UTRN: variants seen among roughly 807,000 people sequenced by gnomAD.
The protein encoded by UTRN is dystrophin-related protein 1.
A neutral mutation model predicts 463.9 loss-of-function variants in UTRN; 283 were observed. The ratio of observed to expected loss-of-function variants is 0.61; its 90% confidence interval spans 0.55 to 0.67. The LOEUF is 0.67. Ranked by LOEUF, UTRN falls within the 30% of genes least tolerant of loss-of-function variation. The pLI, the probability that UTRN is intolerant of heterozygous loss-of-function variation, is 0.00. For synonymous variants in UTRN, 1,442 were observed against 1,431.5 expected (o/e 1.01, Z -0.17); for missense variants, 3,922 against 4,084.3 (o/e 0.96, Z 1.08).
At chr6:144,499,056 C>T (rs1474707238) in intron 33 of UTRN, among the ~76,000 whole-genome samples, 2 of 152,074 alleles carry the variant, frequency 1.3e-5, no homozygotes, top group Admixed American at 6.5e-5. Flanking sequence ...CCCAGGATTG[C>T]CTGGCACTTA....
intron 14 of UTRN, among the ~76,000 whole-genome samples, chr6:144,445,063 G>A (rs1787524296): frequency 6.6e-6 from 1 of 152,110 alleles, no homozygotes; most frequent in Non-Finnish European, 1.5e-5. Flanking sequence ...AAAATAAGTA[G>A]ATACTGGCCG....
chr6:144,730,003 C>A (rs1788344939), intron 53 of UTRN, among the ~76,000 whole-genome samples: 1 of 152,066 alleles, frequency 6.6e-6, no homozygotes, highest in African/African-American at 2.4e-5. Flanking sequence ...GTCAGTCTTA[C>A]AAGAAAAAAG....
At chr6:144,539,542 T>G in intron 45 of UTRN, 99 bp downstream of exon 45, 1 of 1,293,070 alleles carries the variant, frequency 7.7e-7, no homozygotes. Flanking sequence ...TATGTCCAAA[T>G]GGGGCAAATT....
chr6:144,770,732 A>G (rs970717000), intron 58 of UTRN, among the ~76,000 whole-genome samples: 2 of 152,226 alleles, frequency 1.3e-5, no homozygotes, highest in Non-Finnish European at 2.9e-5. Flanking sequence ...AAAGTATAAA[A>G]CTTGCTTTTA....
At chr6:144,618,371 A>T (rs1806361280) in intron 51 of UTRN, among the ~76,000 whole-genome samples, 1 of 152,142 alleles carries the variant, frequency 6.6e-6, no homozygotes, top group Non-Finnish European at 1.5e-5. Flanking sequence ...CCTTGAGTGT[A>T]TTCCTTAATA....
At chr6:144,374,945 C>CA (rs757547113) in intron 2 of UTRN, among the ~76,000 whole-genome samples, 2,435 of 48,662 alleles carry the variant, frequency 0.05, 58 homozygotes, top group Admixed American at 0.1. Context: ...GACTCCATCT[C>CA]AAAAAAAAAA....
intron 54 of UTRN, among the ~76,000 whole-genome samples, chr6:144,737,796 A>G (rs571318313): frequency 6.6e-6 from 1 of 151,360 alleles, no homozygotes; most frequent in African/African-American, 2.4e-5. Flanking sequence ...TATCATGTCA[A>G]TGTATACTTT....
intron 2 of UTRN, among the ~76,000 whole-genome samples, chr6:144,373,796 A>G (rs929694505): frequency 2.0e-5 from 3 of 152,194 alleles, no homozygotes; most frequent in African/African-American, 7.2e-5. Flanking sequence ...CATTGTTACT[A>G]CAAAATCAAT....
intron 2 of UTRN, among the ~76,000 whole-genome samples, chr6:144,342,770 A>T (rs147092569): frequency 6.6e-6 from 1 of 152,326 alleles, no homozygotes; most frequent in Non-Finnish European, 1.5e-5. Context: ...CAATACTAAA[A>T]ATCATTAAAT....
intron 23 of UTRN, among the ~76,000 whole-genome samples, chr6:144,464,774 A>G (rs907534872): frequency 7.9e-5 from 12 of 152,196 alleles, no homozygotes; most frequent in African/African-American, 2.9e-4. Context: ...TGCTAGGATT[A>G]CAGACATGAG....
intron 2 of UTRN, among the ~76,000 whole-genome samples, chr6:144,350,849 T>C (rs1251811108): frequency 1.3e-5 from 2 of 152,218 alleles, no homozygotes; most frequent in African/African-American, 4.8e-5. Flanking sequence ...ATAGATATTA[T>C]TTTCAGATAT....
chr6:144,746,310 C>G (rs1790741708), intron 54 of UTRN, among the ~76,000 whole-genome samples: 1 of 151,814 alleles, frequency 6.6e-6, no homozygotes, highest in African/African-American at 2.4e-5. Flanking sequence ...GCCTAGATAT[C>G]TTAAAGGTAT....
chr6:144,839,323 C>G (rs1781362936), intron 72 of UTRN, 39 bp downstream of exon 72: 2 of 1,513,182 alleles, frequency 1.3e-6, no homozygotes, highest in African/African-American at 1.4e-5. Flanking sequence ...GCTGAGTCTG[C>G]TTTGTGCTTT....
intron 54 of UTRN, among the ~76,000 whole-genome samples, chr6:144,732,279 CACACATATATATATAT>C (rs1350339903): frequency 1.9e-5 from 2 of 103,214 alleles, no homozygotes; most frequent in African/African-American, 4.1e-5. Context: ...TATATATATA[CACACATATATATATAT>C]ACACATATAT....
intron 63 of UTRN, among the ~76,000 whole-genome samples, chr6:144,794,689 T>C (rs1355008983): frequency 6.6e-6 from 1 of 152,186 alleles, no homozygotes; most frequent in Non-Finnish European, 1.5e-5. Context: ...TGTAACAAAA[T>C]ACCATAAACT....
chr6:144,520,843 A>C (rs183392788), intron 39 of UTRN, among the ~76,000 whole-genome samples: 1 of 152,342 alleles, frequency 6.6e-6, no homozygotes, highest in East Asian at 1.9e-4. Flanking sequence ...GTGTCAAGGA[A>C]GGTACCTTAA....
At chr6:144,367,762 CT>C (rs1293929105) in intron 2 of UTRN, among the ~76,000 whole-genome samples, 2 of 151,976 alleles carry the variant, frequency 1.3e-5, no homozygotes, top group Non-Finnish European at 2.9e-5. Flanking sequence ...GTGAAAACCC[CT>C]ATATAAGGAG....
intron 65 of UTRN, among the ~76,000 whole-genome samples, chr6:144,808,732 T>G (rs1014051317): frequency 3.9e-5 from 6 of 152,094 alleles, no homozygotes; most frequent in African/African-American, 1.4e-4. Context: ...GCTTGACTTT[T>G]TTTTTTAAAG....
At position 144,287,414 on chromosome 6, in the gene UTRN, C is replaced by G. The variant is rs76176754; in HGVS notation, c.-93+1593C>G. Reference sequence around the variant, plus strand: ...CTCACCGTTTTCTTTTACTGTGTTTCAAGCAGAGCAGCAAACTCTTGTCCG... The same window carrying G: ...CTCACCGTTTTCTTTTACTGTGTTTGAAGCAGAGCAGCAAACTCTTGTCCG... On this transcript the variant is annotated intron_variant, in intron 1 of 74. Coordinates refer to ENST00000367545, the MANE Select transcript of UTRN (RefSeq NM_007124.3). 9.4e-3 allele frequency among the ~76,000 whole-genome samples: 1,425 copies of G among 152,238 alleles called. 20 individuals are homozygous for G. The highest frequency in any genetic ancestry group is 0.033 in the African/African-American group (1,353 of 41,514).
Sources: allele counts gnomAD v4.1 joint callset (sites outside exome capture counted in the v4.1 genomes callset), GRCh38; gene constraint gnomAD v4.1.1; transcripts MANE v1.5; gene names NCBI Gene and HGNC (gene_info 2026-07-23, HGNC 2026-07-21).